Variants in SHC2 observed in about 807,000 individuals in gnomAD.
The protein encoded by SHC2 is SHC-transforming protein 2.
Under a neutral mutation model 60.6 loss-of-function variants are expected in SHC2, and 62 were observed. The ratio of observed to expected loss-of-function variants is 1.02; its 90% confidence interval spans 0.83 to 1.26. The LOEUF (loss-of-function observed/expected upper bound fraction) is 1.26. Ranked by LOEUF, SHC2 falls within the 50% of genes most tolerant of loss-of-function variation. SHC2 has a pLI of 0.00. For missense variants in SHC2, 873 were observed against 822.2 expected (o/e 1.06, Z -0.76); for synonymous variants, 375 against 372.4 (o/e 1.01, Z -0.08).
chr19:440,255 G>A lies in SHC2; in HGVS notation c.539+607C>T, dbSNP rs1974831637. Among the ~76,000 whole-genome samples, 1 of 152,048 alleles carries A rather than the reference G, an allele frequency of 6.6e-6. No individual in the cohort carries two copies. On this transcript the variant is annotated intron_variant, in intron 2 of 12. Transcript: ENST00000264554. This position sits in a 1 kb window ranked among gnomAD's most constrained non-coding sequence, Gnocchi z 7.0. ...GGCTGTGATGGGGACGGGGTGTTTT[G>A]ATGGGGTAATGAGAATGTTCGGAAC... is the stretch of plus-strand genomic sequence containing the variant.
intron 1 of SHC2, among the ~76,000 whole-genome samples, chr19:451,100 T>C (rs1208878496): frequency 6.8e-6 from 1 of 148,068 alleles, no homozygotes; most frequent in Non-Finnish European, 1.5e-5. Context: ...AGCGTGTGGA[T>C]GGCCATACCA....
chr19:456,656 G>T (rs1006647813), intron 1 of SHC2, among the ~76,000 whole-genome samples: 1 of 146,282 alleles, frequency 6.8e-6, no homozygotes, highest in Non-Finnish European at 1.5e-5. Flanking sequence ...TTGCCGTGAC[G>T]CACACGCACC....
intron 12 of SHC2, among the ~76,000 whole-genome samples, chr19:417,829 G>C (rs1293708178): frequency 6.6e-6 from 1 of 152,072 alleles, no homozygotes; most frequent in East Asian, 1.9e-4. Context: ...TGGGGGCTGG[G>C]TGGAGGCCGC....
Position 422,223 on chromosome 19 carries a change from T to C in SHC2, c.1543A>G (p.Asn515Asp). The C allele has an allele frequency of 1.9e-6, 3 of 1,612,584 alleles. No individual in the cohort carries two copies. The highest frequency in any genetic ancestry group is 2.5e-6 in the Non-Finnish European group (3 of 1,179,672). The change falls in exon 11 of 13, where the codon AAC (asparagine) becomes GAC (aspartate). Residue 515 changes from asparagine to aspartate, a missense_variant. Coordinates refer to ENST00000264554, the MANE Select transcript of SHC2 (RefSeq NM_012435.3). This position sits in a 1 kb window ranked among gnomAD's most constrained non-coding sequence, Gnocchi z 5.0. ...GDFLVRDSVT[N>D]PGQYVLTGMH... is the part of the protein sequence containing the mutation. ...CCGGTGAGGACATACTGCCCGGGGT[T>C]GGTGACGCTGTCTCGCACAAGGAAG...
chr19:449,347 G>A (rs777415849), intron 1 of SHC2, among the ~76,000 whole-genome samples: 1 of 150,686 alleles, frequency 6.6e-6, no homozygotes, highest in Non-Finnish European at 1.5e-5. Flanking sequence ...GATCCAGAGC[G>A]AGATCCTGTC....
chr19:449,935 T>G (rs1975138671), intron 1 of SHC2, among the ~76,000 whole-genome samples: 1 of 152,220 alleles, frequency 6.6e-6, no homozygotes, highest in South Asian at 2.1e-4. Context: ...CTGTTCTTGT[T>G]TCTTTGATCT....
chr19:423,558 C>G (rs35587289), intron 10 of SHC2, among the ~76,000 whole-genome samples: 3 of 35,490 alleles, frequency 8.5e-5, no homozygotes, highest in African/African-American at 6.2e-4. Flanking sequence ...GGGTCCTCCC[C>G]CCCTGACCCT....
chr19:436,086 G>A lies in SHC2; in HGVS notation c.953+79C>T, dbSNP rs941068356. The A allele has an allele frequency of 6.0e-6, 9 of 1,500,420 alleles. No individual in the cohort carries two copies. In the African/African-American group the frequency reaches 1.1e-4, roughly 18 times the overall value. 92.9% of individuals were successfully genotyped at this position (1,500,420 alleles called of 1,614,324 possible). ...AAGGGCAGGACGGAGGCTGAGGCCT[G>A]CAGGAGGTGGAGCAGGCTCTGCACC... is the stretch of plus-strand genomic sequence containing the variant. On this transcript the variant is annotated intron_variant, in intron 7 of 12. Transcript: ENST00000264554.
chr19:442,482 G>A (rs1396363650), intron 1 of SHC2, among the ~76,000 whole-genome samples: 1 of 117,286 alleles, frequency 8.5e-6, no homozygotes, highest in Non-Finnish European at 1.7e-5. Flanking sequence ...TGGGTGGGTG[G>A]ATGGGTGGAT....
At chr19:427,087 G>A (rs532044168) in intron 9 of SHC2, among the ~76,000 whole-genome samples, 168 of 152,352 alleles carry the variant, frequency 1.1e-3, no homozygotes, top group African/African-American at 3.5e-3. Flanking sequence ...CAGGACCAGA[G>A]CACAGCTGGG....
At chr19:423,062 G>A (rs552010269) in intron 10 of SHC2, among the ~76,000 whole-genome samples, 5 of 152,184 alleles carry the variant, frequency 3.3e-5, no homozygotes, top group East Asian at 1.9e-4. Flanking sequence ...CAGCCCTGAC[G>A]GAGATGCATC....
intron 7 of SHC2, among the ~76,000 whole-genome samples, chr19:435,421 C>T (rs998632926): frequency 7.9e-5 from 12 of 152,348 alleles, no homozygotes; most frequent in African/African-American, 2.4e-4. Context: ...AGCTTCGGAG[C>T]GTGCTGAGCA....
At position 422,784 on chromosome 19, in the gene SHC2, C is replaced by T. The variant is rs1041694702; in HGVS notation, c.1310-328G>A. ...AGGTGGGCTTCCTTCCCAAAGCGTA[C>T]GCCTCTCGTTTCCTTGTCTGGTCTT... On this transcript the variant is annotated intron_variant, in intron 10 of 12. Transcript: ENST00000264554. The surrounding 1 kb of genome is among the most constrained non-coding windows in gnomAD (Gnocchi z 5.0). The T allele has an allele frequency of 5.2e-5, 13 of 249,186 alleles. No homozygotes were observed. The highest frequency in any genetic ancestry group is 7.7e-5 in the Non-Finnish European group (10 of 130,692). 15.4% of individuals were successfully genotyped at this position (249,186 alleles called of 1,614,324 possible).
intron 1 of SHC2, among the ~76,000 whole-genome samples, chr19:450,353 C>T (rs1341033533): frequency 6.6e-6 from 1 of 152,194 alleles, no homozygotes; most frequent in Non-Finnish European, 1.5e-5. Flanking sequence ...GTAAAACACA[C>T]ATAACATAAA....
chr19:436,131 G>T (rs1974710396), intron 7 of SHC2, 34 bp downstream of exon 7: 2 of 1,604,106 alleles, frequency 1.2e-6, no homozygotes, highest in Non-Finnish European at 1.7e-6. Flanking sequence ...CACTGGGGGT[G>T]TCCCCAGGGC....
intron 8 of SHC2, 35 bp from the exon 9 acceptor site, chr19:430,782 T>C (rs1418979678): frequency 6.2e-7 from 1 of 1,600,284 alleles, no homozygotes; most frequent in Admixed American, 1.7e-5. Flanking sequence ...CCCCGGTGTG[T>C]GCAAGCCCCT....
chr19:440,573 G>T lies in SHC2; in HGVS notation c.539+289C>A, dbSNP rs879534741. On this transcript the variant is annotated intron_variant, in intron 2 of 12. Coordinates refer to ENST00000264554, the MANE Select transcript of SHC2 (RefSeq NM_012435.3). This position sits in a 1 kb window ranked among gnomAD's most constrained non-coding sequence, Gnocchi z 7.0. ...TGGGCCCCGGTCCCAGAGGGAACCC[G>T]CCAGGCCCTGCACCCCACGCCGTGC... Among the ~76,000 whole-genome samples the T allele has an allele frequency of 3.3e-5, 5 of 152,218 alleles. No individual in the cohort carries two copies. Among genetic ancestry groups the T allele is most frequent in the Non-Finnish European group, 5.9e-5 (4 of 68,046 alleles).
Position 460,980 on chromosome 19 carries a change from C to G in SHC2, c.17G>C (p.Gly6Ala), listed in dbSNP as rs1454356435. 4 of 979,260 alleles carry G rather than the reference C, an allele frequency of 4.1e-6. No homozygotes were observed. The highest frequency in any genetic ancestry group is 1.1e-4 in the East Asian group (1 of 8,926). The allele number at this position is 979,260 out of a possible 1,614,324, so 60.7% of individuals were successfully genotyped here. The change falls in exon 1 of 13, where the codon GGC becomes GCC. Residue 6 changes from glycine to alanine, a missense_variant. Physicochemically the swap from Gly to Ala is moderately conservative, Grantham distance 60. Transcript: ENST00000264554. ...GGGGGGCGCCGGGGGCGCGCGCCCG[C>G]CCGGACCCTGCGTCATGGCCGCGGC... MTQGP[G>A]GRAPPAPPAP...
intron 1 of SHC2, among the ~76,000 whole-genome samples, chr19:458,223 G>C (rs1273859671): frequency 5.9e-5 from 8 of 134,552 alleles, no homozygotes; most frequent in Non-Finnish European, 1.2e-4. Flanking sequence ...GGCAGACGCG[G>C]GTTCCGGCGG....
Sources: gnomAD v4.1 joint callset for allele counts (sites outside exome capture counted in the v4.1 genomes callset) on GRCh38, gnomAD v4.1.1 for gene constraint, Gnocchi (gnomAD v3.1) non-coding constraint, MANE v1.5 for transcripts, NCBI Gene and HGNC (gene_info 2026-07-23, HGNC 2026-07-21) for gene names.